The following MARCO variants were observed in gnomAD, a reference collection of about 807,000 sequenced individuals.
The protein encoded by MARCO is macrophage receptor with collagenous structure, also known as macrophage receptor MARCO.
A neutral mutation model predicts 70.0 loss-of-function variants in MARCO; 72 were observed. The ratio of observed to expected loss-of-function variants is 1.03; its 90% confidence interval spans 0.85 to 1.25. The LOEUF is 1.25. Ranked by LOEUF, MARCO falls within the 50% of genes most tolerant of loss-of-function variation. MARCO has a pLI of 0.00. For synonymous variants in MARCO, 273 were observed against 243.1 expected, an observed-to-expected ratio of 1.12 and a Z score of -1.14; for missense variants, 696 against 659.3, an observed-to-expected ratio of 1.06 and a Z score of -0.61.
At chr2:118,987,311 C>T (rs570226570) in intron 12 of MARCO, among the ~76,000 whole-genome samples, 1 of 152,290 alleles carries the variant, frequency 6.6e-6, no homozygotes, top group African/African-American at 2.4e-5. Flanking sequence ...CCATTTCTCC[C>T]TCTACTCTGC....
At chr2:118,978,477 T>C (rs1309369256) in intron 8 of MARCO, among the ~76,000 whole-genome samples, 2 of 152,236 alleles carry the variant, frequency 1.3e-5, no homozygotes, top group Non-Finnish European at 2.9e-5. Context: ...GAAGAAACAC[T>C]GGCTTATGGG....
intron 8 of MARCO, among the ~76,000 whole-genome samples, chr2:118,978,181 T>G (rs1262518728): frequency 1.3e-5 from 2 of 151,978 alleles, no homozygotes; most frequent in Non-Finnish European, 2.9e-5. Context: ...TGCTAGGAGC[T>G]CAGAGAGGAA....
chr2:118,963,233 A>G lies in MARCO; in HGVS notation c.98-5927A>G, dbSNP rs866332062. Among the ~76,000 whole-genome samples the G allele has an allele frequency of 6.3e-4, 95 of 151,836 alleles. 2 individuals are homozygous for G. The highest frequency in any genetic ancestry group is 3.4e-3 in the Middle Eastern group (1 of 294). On this transcript the variant is annotated intron_variant, in intron 1 of 16. Transcript: ENST00000327097. ...ATTTTTGGTGTAAGCAGTTCGTGCTATAAATTTTCTTTTCAGAGCTGCTTT... is the reference window on the plus strand; with the variant it reads ...ATTTTTGGTGTAAGCAGTTCGTGCTGTAAATTTTCTTTTCAGAGCTGCTTT...
intron 1 of MARCO, among the ~76,000 whole-genome samples, chr2:118,948,587 C>A (rs538915142): frequency 6.6e-6 from 1 of 152,296 alleles, no homozygotes; most frequent in South Asian, 2.1e-4. Context: ...TTCCAACACT[C>A]ACAATTTATT....
chr2:118,947,403 T>C (rs1073529), intron 1 of MARCO, among the ~76,000 whole-genome samples: 34,709 of 152,114 alleles, frequency 0.23, 6,066 homozygotes, highest in African/African-American at 0.48. Context: ...CTCAAACTCA[T>C]GGGCTCATGT....
chr2:118,981,990 A>G (rs1558669763), intron 10 of MARCO, among the ~76,000 whole-genome samples, 166 bp from the exon 11 acceptor site: 1 of 152,294 alleles, frequency 6.6e-6, no homozygotes, highest in East Asian at 1.9e-4. Context: ...TCCTCCTACT[A>G]AGAGGGCTAG....
intron 12 of MARCO, among the ~76,000 whole-genome samples, chr2:118,989,027 A>G (rs1341735196): frequency 6.6e-6 from 1 of 152,268 alleles, no homozygotes; most frequent in East Asian, 1.9e-4. Context: ...CACCTGGCTC[A>G]AGGTCACAAA....
intron 12 of MARCO, 27 bp from the exon 13 acceptor site, chr2:118,990,556 TCCTCCC>T: frequency 6.4e-7 from 1 of 1,566,322 alleles, no homozygotes; most frequent in Non-Finnish European, 8.6e-7. Flanking sequence ...TTTTATTATC[TCCTCCC>T]CCCCCCCTTT....
intron 1 of MARCO, 90 bp from the exon 2 acceptor site, chr2:118,969,070 C>T: frequency 3.3e-6 from 3 of 895,894 alleles, no homozygotes; most frequent in Non-Finnish European, 5.6e-6. Context: ...AGGGTGCCCC[C>T]TGCTCACATG....
intron 1 of MARCO, among the ~76,000 whole-genome samples, chr2:118,967,431 G>A (rs1484467525): frequency 1.3e-5 from 2 of 152,144 alleles, no homozygotes; most frequent in Admixed American, 6.5e-5. Context: ...GGCTTCAGGT[G>A]CCAGGTTGGG....
chr2:118,972,536 C>A (rs73948243), intron 4 of MARCO, among the ~76,000 whole-genome samples: 388 of 152,174 alleles, frequency 2.5e-3, no homozygotes, highest in African/African-American at 9.1e-3. Flanking sequence ...TCTATGTCCT[C>A]CCCCGTAAGA....
At chr2:118,970,019 A>C (rs1210046018) in intron 2 of MARCO, 95 bp from the exon 3 acceptor site, 18 of 1,066,810 alleles carry the variant, frequency 1.7e-5, no homozygotes, top group Non-Finnish European at 2.6e-5. Context: ...TTACAAATTC[A>C]GGGCCTGTAG....
At chr2:118,989,419 T>C (rs1226225068) in intron 12 of MARCO, among the ~76,000 whole-genome samples, 1 of 152,226 alleles carries the variant, frequency 6.6e-6, no homozygotes, top group Admixed American at 6.5e-5. Flanking sequence ...CCTGCTTCTC[T>C]TGTTGCCTGG....
intron 1 of MARCO, among the ~76,000 whole-genome samples, chr2:118,953,890 G>C (rs1209206575): frequency 6.6e-6 from 1 of 152,168 alleles, no homozygotes; most frequent in Non-Finnish European, 1.5e-5. Context: ...ATACAGGGGT[G>C]GGGGAAGCAG....
At chr2:118,965,100 G>T (rs571636168) in intron 1 of MARCO, among the ~76,000 whole-genome samples, 1 of 152,076 alleles carries the variant, frequency 6.6e-6, no homozygotes, top group African/African-American at 2.4e-5. Context: ...GATCTTCCAC[G>T]AAATTAGGGA....
intron 1 of MARCO, among the ~76,000 whole-genome samples, chr2:118,950,495 T>C (rs1406800772): frequency 1.3e-5 from 2 of 152,232 alleles, no homozygotes; most frequent in East Asian, 3.8e-4. Context: ...AAATCCACAT[T>C]CTTATGCCTC....
chr2:118,975,240 C>T (rs1458741638), intron 6 of MARCO, among the ~76,000 whole-genome samples: 1 of 152,176 alleles, frequency 6.6e-6, no homozygotes, highest in African/African-American at 2.4e-5. Context: ...CCACTCTGCT[C>T]CCATCCACCC....
intron 12 of MARCO, among the ~76,000 whole-genome samples, chr2:118,986,321 G>A (rs561833704): frequency 6.6e-6 from 1 of 150,792 alleles, no homozygotes; most frequent in Non-Finnish European, 1.5e-5. Context: ...TTCCCCAGAC[G>A]GGGCAAGACA....
At chr2:118,985,197 T>A (rs766011643) in intron 12 of MARCO, among the ~76,000 whole-genome samples, 8 of 152,144 alleles carry the variant, frequency 5.3e-5, no homozygotes, top group Non-Finnish European at 1.0e-4. Context: ...TGAACTGAAT[T>A]CAGAAGTGAA....
Sources: gnomAD v4.1 joint callset for allele counts (sites outside exome capture counted in the v4.1 genomes callset) on GRCh38, gnomAD v4.1.1 for gene constraint, MANE v1.5 for transcripts, NCBI Gene and HGNC (gene_info 2026-07-23, HGNC 2026-07-21) for gene names.